The following NOS1 variants were observed in gnomAD, a reference collection of about 807,000 sequenced individuals.
NOS1 encodes the protein NOS type I.
In NOS1, 51 loss-of-function variants were observed where a neutral mutation model predicts 164.5. The ratio of observed to expected loss-of-function variants is 0.31; its 90% CI spans 0.25 to 0.39. NOS1 has a LOEUF of 0.39. NOS1 is among the 10% of genes least tolerant of loss of function. The pLI is 1.00. For synonymous variants in NOS1, 719 were observed against 745.8 expected (o/e 0.96, Z 0.59); for missense variants, 1,362 against 1,885.6 (o/e 0.72, Z 5.14).
At chr12:117,313,116 C>G (rs1874512903) in intron 2 of NOS1, among the ~76,000 whole-genome samples, 1 of 152,132 alleles carries the variant, frequency 6.6e-6, no homozygotes, top group African/African-American at 2.4e-5. Flanking sequence ...AGCAGCATCA[C>G]CATTGTCACC....
chr12:117,311,724 T>C (rs1874444152), intron 2 of NOS1, 132 bp from the exon 3 acceptor site: 6 of 929,408 alleles, frequency 6.5e-6, no homozygotes, highest in Admixed American at 3.3e-5. Flanking sequence ...GCCAGCGAGC[T>C]TTGGGTACCC....
intron 3 of NOS1, among the ~76,000 whole-genome samples, chr12:117,302,781 C>A (rs1314830709): frequency 2.0e-5 from 3 of 151,846 alleles, no homozygotes; most frequent in Admixed American, 2.0e-4. Context: ...GGTCTCACTC[C>A]AATGCCCAGG....
At chr12:117,220,411 G>A in intron 26 of NOS1, 142 bp from the exon 27 acceptor site, 1 of 780,818 alleles carries the variant, frequency 1.3e-6, no homozygotes, top group Non-Finnish European at 2.0e-6. Context: ...GGGAACAAGA[G>A]TGAGGGACTG....
chr12:117,322,637 T>C (rs1875031133), intron 2 of NOS1, among the ~76,000 whole-genome samples: 2 of 122,822 alleles, frequency 1.6e-5, no homozygotes, highest in African/African-American at 3.1e-5. Context: ...CTCATTCCTT[T>C]CCTCCCTCCC....
intron 5 of NOS1, among the ~76,000 whole-genome samples, chr12:117,287,802 T>C (rs1350658072): frequency 6.6e-6 from 1 of 152,254 alleles, no homozygotes; most frequent in Non-Finnish European, 1.5e-5. Context: ...ACATTCTTAC[T>C]GATGGTTCCT....
chr12:117,294,811 T>C (rs1592997997), intron 3 of NOS1, among the ~76,000 whole-genome samples: 1 of 152,290 alleles, frequency 6.6e-6, no homozygotes, highest in African/African-American at 2.4e-5. Flanking sequence ...GGAGGAGACA[T>C]TGGCTCGCTC....
Position 117,358,642 on chromosome 12 carries a change from A to T in NOS1, c.-421+2870T>A, listed in dbSNP as rs188551240. ...GAGTTACTGTTCTCATTTTACAGATAACAGAACTGAAGCTCAGAAAGGTTA... is the reference window on the plus strand; with the variant it reads ...GAGTTACTGTTCTCATTTTACAGATTACAGAACTGAAGCTCAGAAAGGTTA... On this transcript the variant is annotated intron_variant, in intron 1 of 28. Transcript: ENST00000317775. Among the ~76,000 whole-genome samples, 51 of 152,310 alleles carry T rather than the reference A, an allele frequency of 3.3e-4. 1 individual carries two copies. The East Asian group carries it at 9.1e-3, about 27-fold the overall frequency.
At chr12:117,323,083 T>TG (rs902237250) in intron 2 of NOS1, among the ~76,000 whole-genome samples, 6 of 152,128 alleles carry the variant, frequency 3.9e-5, no homozygotes, top group Admixed American at 3.3e-4. Flanking sequence ...TGTTGTCAGG[T>TG]GGGTACCCAG....
chr12:117,218,204 C>T, intron 27 of NOS1, 40 bp from the exon 28 acceptor site: 1 of 1,457,618 alleles, frequency 6.9e-7, no homozygotes, highest in Non-Finnish European at 9.6e-7. Flanking sequence ...TCTCAAATGC[C>T]AGATAAAGGC....
chr12:117,360,923 T>C (rs952659273), intron 1 of NOS1, among the ~76,000 whole-genome samples: 1 of 151,962 alleles, frequency 6.6e-6, no homozygotes, highest in Non-Finnish European at 1.5e-5. Flanking sequence ...GACTAGGGTC[T>C]TGCAAAGTTG....
At chr12:117,285,545 A>T (rs998811937) in intron 6 of NOS1, among the ~76,000 whole-genome samples, 53 of 134,768 alleles carry the variant, frequency 3.9e-4, no homozygotes, top group East Asian at 3.1e-3. Context: ...AAAAAAAAAA[A>T]TCGCCTAAAA....
chr12:117,214,589 G>A lies in NOS1; in HGVS notation c.*720C>T, dbSNP rs1025789679. 6 of 985,206 alleles carry A rather than the reference G, an allele frequency of 6.1e-6. No homozygotes were observed. In the African/African-American group the frequency reaches 1.0e-4, roughly 17 times the overall value. The allele number at this position is 985,206 out of a possible 1,614,324, so 61.0% of individuals were successfully genotyped here. On this transcript the variant is annotated 3_prime_UTR_variant, in exon 29 of 29. Transcript: ENST00000317775. ...AAATTCTGGGAATGCCTCTTTCATT[G>A]GGAGACAGCCCCTTTAATCAATTTC...
At chr12:117,283,056 A>ATATATATATT (rs1360367568) in intron 7 of NOS1, among the ~76,000 whole-genome samples, 59 of 92,946 alleles carry the variant, frequency 6.3e-4, no homozygotes, top group African/African-American at 2.0e-3. Context: ...ATATATATAT[A>ATATATATATT]TTTTTTTTTT....
chr12:117,288,261 A>G, intron 4 of NOS1, 42 bp from the exon 5 acceptor site: 1 of 1,588,940 alleles, frequency 6.3e-7, no homozygotes, highest in Non-Finnish European at 8.6e-7. Flanking sequence ...GGTTTTACCC[A>G]AGAGTGGCAG....
chr12:117,347,697 A>T (rs553981844), intron 1 of NOS1, among the ~76,000 whole-genome samples: 1 of 152,224 alleles, frequency 6.6e-6, no homozygotes, highest in South Asian at 2.1e-4. Flanking sequence ...GTTTGATGGG[A>T]TCCCCACCTC....
At chr12:117,319,854 C>T (rs1289447519) in intron 2 of NOS1, among the ~76,000 whole-genome samples, 6 of 151,954 alleles carry the variant, frequency 3.9e-5, no homozygotes, top group East Asian at 1.9e-4. Flanking sequence ...CTGTGATGAG[C>T]GTGCCAGCCA....
chr12:117,210,139 ATTTTTT>A lies in NOS1; in HGVS notation c.*5164_*5169del. 22 of 290,704 alleles carry A rather than the reference ATTTTTT, an allele frequency of 7.6e-5. No homozygotes were observed. Among genetic ancestry groups the A allele is most frequent in the East Asian group, 1.9e-4 (1 of 5,292 alleles). The allele number at this position is 290,704 out of a possible 1,614,324, so 18.0% of individuals were successfully genotyped here. A position where few individuals can be genotyped will look rare whatever the true frequency, so the allele number is the denominator to read the frequency against. On this transcript the variant is annotated 3_prime_UTR_variant, in exon 29 of 29. Coordinates refer to ENST00000317775, the MANE Select transcript of NOS1 (RefSeq NM_000620.5). ...AGGAGCATGCCATCATGCCCAGCTA[ATTTTTT>A]TTTTTTTTTTTTTTTAGTAGAGACG...
At chr12:117,280,636 G>C in intron 8 of NOS1, 89 bp downstream of exon 8, 1 of 1,356,120 alleles carries the variant, frequency 7.4e-7, no homozygotes, top group Non-Finnish European at 1.0e-6. Context: ...CGGATCTCCT[G>C]TGATGATAGC....
At chr12:117,222,907 G>T (rs759596913) in intron 25 of NOS1, 44 bp from the exon 26 acceptor site, 2 of 1,596,330 alleles carry the variant, frequency 1.3e-6, no homozygotes, top group South Asian at 2.3e-5. Context: ...CTCTCTGCCT[G>T]ATGTGCAGGG....
Sources: gnomAD v4.1 joint callset for allele counts (sites outside exome capture counted in the v4.1 genomes callset) on GRCh38, gnomAD v4.1.1 for gene constraint, MANE v1.5 for transcripts, NCBI Gene and HGNC (gene_info 2026-07-23, HGNC 2026-07-21) for gene names.